TRIM6: variants seen among roughly 807,000 people sequenced by gnomAD.
TRIM6 encodes the protein tripartite motif-containing protein 6.
In TRIM6, 43 loss-of-function variants were observed where a neutral mutation model predicts 51.2. The observed-to-expected ratio is 0.84, with a 90% CI of 0.66 to 1.08. The LOEUF (loss-of-function observed/expected upper bound fraction) is 1.08, where lower values mean the gene tolerates loss of function less well. Among genes scored for constraint, TRIM6 ranks in the 50% least tolerant of loss-of-function variants. TRIM6 has a pLI of 0.00. For missense variants in TRIM6, 669 were observed against 619.0 expected, an observed-to-expected ratio of 1.08 and a Z score of -0.86; for synonymous variants, 215 against 232.4, an observed-to-expected ratio of 0.93 and a Z score of 0.68.
chr11:5,607,889 TC>T (rs1217454074), intron 4 of TRIM6, among the ~76,000 whole-genome samples: 4 of 152,146 alleles, frequency 2.6e-5, no homozygotes, highest in Admixed American at 6.5e-5. Flanking sequence ...TTGAGAATCA[TC>T]AACATGTGTA....
chr11:5,603,738 G>A lies in TRIM6; in HGVS notation c.507+3G>A, dbSNP rs1848019136. 6.2e-7 allele frequency: 1 copy of A among 1,612,902 alleles called. No homozygotes were observed. Among genetic ancestry groups the A allele is most frequent in the Admixed American group, 1.7e-5 (1 of 59,906 alleles). On this transcript the variant is annotated splice_donor_region_variant and intron_variant, in intron 2 of 7. Coordinates refer to ENST00000380097, the MANE Select transcript of TRIM6 (RefSeq NM_001003818.3). ...AGGAGGTTGCCCAGGAGTACCAGGT[G>A]AGACCCCAGGATGGAATGGGAGACA...
intron 1 of TRIM6, 84 bp from the exon 2 acceptor site, chr11:5,603,162 T>C: frequency 6.5e-7 from 1 of 1,528,532 alleles, no homozygotes; most frequent in East Asian, 2.3e-5. Flanking sequence ...GTCTGACCTC[T>C]TTATCCAGGA....
At chr11:5,599,655 A>G (rs1020137277) in intron 1 of TRIM6, among the ~76,000 whole-genome samples, 4 of 152,116 alleles carry the variant, frequency 2.6e-5, no homozygotes, top group Non-Finnish European at 5.9e-5. Flanking sequence ...CGCCTGCCTC[A>G]GCCTCCCAAA....
Position 5,605,134 on chromosome 11 carries a change from C to T in TRIM6, c.604-203C>T, listed in dbSNP as rs1989427. The stretch of plus-strand genomic sequence containing the variant: ...TCTAGATGGCCTAGATAAAGCAGCC[C>T]GGGGCCAATGGTCTGGGCAGAGCTG... On this transcript the variant is annotated intron_variant, in intron 3 of 7. Coordinates refer to ENST00000380097, the MANE Select transcript of TRIM6 (RefSeq NM_001003818.3). 7.6e-3 allele frequency: 5,102 copies of T among 667,684 alleles called. 191 individuals are homozygous for T. The African/African-American group carries it at 0.082, about 11-fold the overall frequency. The allele number at this position is 667,684 out of a possible 1,614,324, so 41.4% of individuals were successfully genotyped here.
intron 4 of TRIM6, 39 bp from the exon 5 acceptor site, chr11:5,608,333 C>T (rs760777758): frequency 6.2e-7 from 1 of 1,612,184 alleles, no homozygotes; most frequent in South Asian, 1.1e-5. Context: ...AGGGCATGAC[C>T]TGTTACTCCT....
intron 1 of TRIM6, among the ~76,000 whole-genome samples, chr11:5,599,518 C>T (rs927331314): frequency 6.6e-6 from 1 of 152,116 alleles, no homozygotes; most frequent in Non-Finnish European, 1.5e-5. Flanking sequence ...ATTCTCCTGC[C>T]TCAGCCTCCC....
chr11:5,603,599 T>G lies in TRIM6; in HGVS notation c.371T>G (p.Leu124Arg). The change falls in exon 2 of 8, where the codon CTT becomes CGT. Residue 124 changes from leucine to arginine, a missense_variant. Leu to Arg is a moderately radical substitution (Grantham distance 102). Transcript: ENST00000380097. ...CCTGGGAAGCAGCTGAAAGCAGTTC[T>G]TTGTGCAGACCATGGAGAAAAACTG... is the stretch of plus-strand genomic sequence containing the variant. Reference protein sequence around the residue: ...LGPGKQLKAVLCADHGEKLQL... With the variant: ...LGPGKQLKAVRCADHGEKLQL... 1 of 1,613,768 alleles carries G rather than the reference T, an allele frequency of 6.2e-7. No individual in the cohort carries two copies. The highest frequency in any genetic ancestry group is 1.1e-5 in the South Asian group (1 of 91,020).
Position 5,596,919 on chromosome 11 carries a change from G to A in TRIM6, c.17+5G>A. On this transcript the variant is annotated splice_donor_5th_base_variant and intron_variant, in intron 1 of 7. Transcript: ENST00000380097. ...CCAGATGTGCGGGTCAGAGAGGTAT[G>A]TCTACCGTTCTGTTGACTGGCTCTT... 3.1e-6 allele frequency: 5 copies of A among 1,614,128 alleles called. No homozygotes were observed. The highest frequency in any genetic ancestry group is 4.2e-6 in the Non-Finnish European group (5 of 1,179,996).
intron 4 of TRIM6, among the ~76,000 whole-genome samples, chr11:5,605,971 C>G (rs1400386162): frequency 1.3e-5 from 2 of 152,188 alleles, no homozygotes; most frequent in African/African-American, 4.8e-5. Context: ...TAGATGTCAG[C>G]AGCACCACCC....
At position 5,612,814 on chromosome 11, in the gene TRIM6, A is replaced by G. The variant is rs999720206; in HGVS notation, c.*1472A>G. On this transcript the variant is annotated 3_prime_UTR_variant, in exon 8 of 8. Coordinates refer to ENST00000380097, the MANE Select transcript of TRIM6 (RefSeq NM_001003818.3). ...CCTAGTCTGAATTGAGATGTGCTCAATGTATAAAATATATACCAGATTTCA... is the reference window on the plus strand; with the variant it reads ...CCTAGTCTGAATTGAGATGTGCTCAGTGTATAAAATATATACCAGATTTCA... The G allele has an allele frequency of 2.0e-5, 3 of 152,274 alleles. No homozygotes were observed. The highest frequency in any genetic ancestry group is 7.2e-5 in the African/African-American group (3 of 41,478). The allele number at this position is 152,274 out of a possible 1,614,324, so 9.4% of individuals were successfully genotyped here. A position where few individuals can be genotyped will look rare whatever the true frequency, so the allele number is the denominator to read the frequency against.
At chr11:5,610,465 TAAG>T (rs1220506261) in intron 6 of TRIM6, 67 bp from the exon 7 acceptor site, 1 of 1,612,362 alleles carries the variant, frequency 6.2e-7, no homozygotes, top group Non-Finnish European at 8.5e-7. Context: ...CTCAATGTAG[TAAG>T]GAGAGAGATA....
intron 1 of TRIM6, among the ~76,000 whole-genome samples, chr11:5,597,671 C>T (rs1213695945): frequency 2.0e-5 from 3 of 152,118 alleles, no homozygotes; most frequent in African/African-American, 7.3e-5. Context: ...ATTCCTAACT[C>T]TGAACCCCCA....
At chr11:5,602,276 T>TA (rs71053283) in intron 1 of TRIM6, among the ~76,000 whole-genome samples, 3 of 151,544 alleles carry the variant, frequency 2.0e-5, no homozygotes, top group African/African-American at 7.3e-5. Flanking sequence ...TCATCTCTAC[T>TA]AAAAAATACA....
intron 1 of TRIM6, among the ~76,000 whole-genome samples, chr11:5,600,523 A>C (rs1041777243): frequency 6.6e-6 from 1 of 152,140 alleles, no homozygotes; most frequent in Non-Finnish European, 1.5e-5. Flanking sequence ...GCTTATGCTT[A>C]CATCCCATGA....
intron 4 of TRIM6, among the ~76,000 whole-genome samples, chr11:5,608,011 A>G (rs960531110): frequency 4.6e-5 from 7 of 152,212 alleles, no homozygotes; most frequent in African/African-American, 1.7e-4. Context: ...ATCTTCAGCA[A>G]CCAGAACAGG....
intron 3 of TRIM6, 44 bp from the exon 4 acceptor site, chr11:5,605,293 A>T: frequency 6.2e-7 from 1 of 1,612,156 alleles, no homozygotes; most frequent in Non-Finnish European, 8.5e-7. Context: ...GGAGACCCTC[A>T]GTGTGACCGA....
At chr11:5,609,846 C>T (rs1450500749) in intron 5 of TRIM6, among the ~76,000 whole-genome samples, 1 of 152,150 alleles carries the variant, frequency 6.6e-6, no homozygotes, top group Non-Finnish European at 1.5e-5. Flanking sequence ...TCGCTTGAAC[C>T]TGGGAGGTGG....
At chr11:5,600,632 G>A (rs1379100873) in intron 1 of TRIM6, among the ~76,000 whole-genome samples, 1 of 152,152 alleles carries the variant, frequency 6.6e-6, no homozygotes, top group Admixed American at 6.5e-5. Flanking sequence ...AAATCCACCA[G>A]GTCCTCAAGA....
rs1848578482 is a variant in TRIM6, at chr11:5,611,538, C to T, written c.*196C>T. On this transcript the variant is annotated 3_prime_UTR_variant, in exon 8 of 8. Transcript: ENST00000380097. ...GCGCAATCTCGGCTCACTGCAACCT[C>T]TGCCTCCTGGGTTCAAGCGAACCTC... 1.8e-6 allele frequency: 1 copy of T among 542,532 alleles called. No individual in the cohort carries two copies. Among genetic ancestry groups the T allele is most frequent in the Non-Finnish European group, 3.2e-6 (1 of 309,586 alleles). The allele number at this position is 542,532 out of a possible 1,614,324, so 33.6% of individuals were successfully genotyped here. A position where few individuals can be genotyped will look rare whatever the true frequency, so the allele number is the denominator to read the frequency against.
Sources: allele counts gnomAD v4.1 joint callset (sites outside exome capture counted in the v4.1 genomes callset), GRCh38; gene constraint gnomAD v4.1.1; transcripts MANE v1.5; gene names NCBI Gene and HGNC (gene_info 2026-07-23, HGNC 2026-07-21).